The following XXYLT1 variants were observed in gnomAD, a reference collection of about 807,000 sequenced individuals.
XXYLT1 encodes the protein UDP-xylose:alpha-xyloside alpha-1,3-xylosyltransferase.
A neutral mutation model predicts 28.9 loss-of-function variants in XXYLT1; 20 were observed. That is an observed-to-expected ratio of 0.69 (90% CI 0.49 to 1.00). The LOEUF (loss-of-function observed/expected upper bound fraction) is 1.00. XXYLT1 is among the 50% of genes least tolerant of loss of function. The pLI is 0.00. For synonymous variants in XXYLT1, 257 were observed against 253.8 expected (o/e 1.01, Z -0.12); for missense variants, 542 against 560.1 (o/e 0.97, Z 0.33).
intron 2 of XXYLT1, among the ~76,000 whole-genome samples, chr3:195,211,376 G>A (rs533958586): frequency 6.6e-6 from 1 of 152,198 alleles, no homozygotes; most frequent in African/African-American, 2.4e-5. Context: ...CTGGGTGACA[G>A]AGCAAGACTC....
At chr3:195,125,367 C>A (rs58434965) in intron 3 of XXYLT1, among the ~76,000 whole-genome samples, 3 of 152,122 alleles carry the variant, frequency 2.0e-5, no homozygotes, top group African/African-American at 4.8e-5. Flanking sequence ...CCTTCCATTG[C>A]GGGGCTGGAG....
chr3:195,242,655 G>C (rs1228451812), intron 1 of XXYLT1, among the ~76,000 whole-genome samples: 1 of 152,076 alleles, frequency 6.6e-6, no homozygotes, highest in African/African-American at 2.4e-5. Flanking sequence ...GAGGAGGTGG[G>C]GTCTGATCTG....
At chr3:195,216,179 T>C (rs1445917201) in intron 2 of XXYLT1, among the ~76,000 whole-genome samples, 6 of 152,166 alleles carry the variant, frequency 3.9e-5, no homozygotes, top group Non-Finnish European at 7.3e-5. Context: ...GAGGGACATT[T>C]ATAGCACTAA....
chr3:195,150,074 G>A lies in XXYLT1; in HGVS notation c.785+6375C>T, dbSNP rs1368304357. 6.6e-6 allele frequency among the ~76,000 whole-genome samples: 1 copy of A among 152,198 alleles called. No homozygotes were observed. The highest frequency in any genetic ancestry group is 1.5e-5 in the Non-Finnish European group (1 of 68,036). On this transcript the variant is annotated intron_variant, in intron 3 of 3. Transcript: ENST00000310380. The surrounding 1 kb of genome is among the most constrained non-coding windows in gnomAD (Gnocchi z 4.7). Reference sequence around the variant, plus strand: ...CCAACCGTACATATAAGGAAACTGAGGCTGAGGTTAAGTGACTTCCCTAGG... The same window carrying A: ...CCAACCGTACATATAAGGAAACTGAAGCTGAGGTTAAGTGACTTCCCTAGG...
At chr3:195,137,366 G>A (rs566764641) in intron 3 of XXYLT1, among the ~76,000 whole-genome samples, 79 of 152,310 alleles carry the variant, frequency 5.2e-4, no homozygotes, top group African/African-American at 1.9e-3. Flanking sequence ...GCTCCAATCT[G>A]GCCACAGTTT....
intron 3 of XXYLT1, among the ~76,000 whole-genome samples, chr3:195,107,274 G>A (rs1307042570): frequency 6.6e-6 from 1 of 151,638 alleles, no homozygotes; most frequent in East Asian, 2.0e-4. Context: ...GGGAGTTCGA[G>A]ACCAGCCTGA....
Position 195,072,365 on chromosome 3 carries a change from C to T in XXYLT1, c.786-2254G>A, listed in dbSNP as rs1444694807. On this transcript the variant is annotated intron_variant, in intron 3 of 3. Coordinates refer to ENST00000310380, the MANE Select transcript of XXYLT1 (RefSeq NM_152531.5). The stretch of plus-strand genomic sequence containing the variant: ...CCTAGCAAGTGGGGAGCAAAGAGGC[C>T]GCCCACTGTTCCAGGTATCCTTACC... Among the ~76,000 whole-genome samples the T allele has an allele frequency of 3.2e-4, 48 of 152,132 alleles. 2 individuals are homozygous for T. Among genetic ancestry groups the T allele is most frequent in the Admixed American group, 3.0e-3 (46 of 15,270 alleles).
intron 1 of XXYLT1, among the ~76,000 whole-genome samples, chr3:195,241,728 G>A (rs1248259092): frequency 6.6e-6 from 1 of 151,876 alleles, no homozygotes; most frequent in Non-Finnish European, 1.5e-5. Flanking sequence ...TCAGGTATCA[G>A]TTCAAACGTC....
intron 2 of XXYLT1, among the ~76,000 whole-genome samples, chr3:195,170,905 G>T (rs1032811900): frequency 1.3e-5 from 2 of 152,134 alleles, no homozygotes; most frequent in African/African-American, 4.8e-5. Context: ...ATCCAGCCAT[G>T]AAAGAGCAGC....
At chr3:195,142,733 G>A (rs993086955) in intron 3 of XXYLT1, among the ~76,000 whole-genome samples, 1 of 152,258 alleles carries the variant, frequency 6.6e-6, no homozygotes, top group Non-Finnish European at 1.5e-5. Flanking sequence ...GCGTATGCAC[G>A]CTGGGGTCTT....
intron 1 of XXYLT1, among the ~76,000 whole-genome samples, chr3:195,261,046 G>A (rs767419036): frequency 2.6e-4 from 39 of 152,178 alleles, no homozygotes; most frequent in Non-Finnish European, 4.4e-4. Flanking sequence ...TGGGAGCTCC[G>A]TAAGCCACCT....
At chr3:195,254,783 C>T (rs1725413654) in intron 1 of XXYLT1, among the ~76,000 whole-genome samples, 1 of 152,254 alleles carries the variant, frequency 6.6e-6, no homozygotes, top group Non-Finnish European at 1.5e-5. Flanking sequence ...GCGTCAAGCA[C>T]AAACAGCTGC....
intron 1 of XXYLT1, among the ~76,000 whole-genome samples, chr3:195,233,344 G>C (rs1223155190): frequency 6.6e-6 from 1 of 151,938 alleles, no homozygotes; most frequent in African/African-American, 2.4e-5. Context: ...CTTTTGATTG[G>C]AGAGTTTACT....
chr3:195,127,685 G>A (rs9826109), intron 3 of XXYLT1, among the ~76,000 whole-genome samples: 25,965 of 152,046 alleles, frequency 0.17, 2,946 homozygotes, highest in East Asian at 0.56. Flanking sequence ...GCTGAGGCAG[G>A]AGGATCACTT....
chr3:195,269,036 A>G (rs1048791135), intron 1 of XXYLT1, among the ~76,000 whole-genome samples: 3 of 152,238 alleles, frequency 2.0e-5, no homozygotes, highest in Non-Finnish European at 4.4e-5. Context: ...GATGGAGAGA[A>G]GGAGCACCCC....
chr3:195,243,957 C>T (rs2108828494), intron 1 of XXYLT1, among the ~76,000 whole-genome samples: 1 of 152,272 alleles, frequency 6.6e-6, no homozygotes. Flanking sequence ...TGTCCAATAT[C>T]CATTCTCACA....
chr3:195,248,014 T>C (rs889237997), intron 1 of XXYLT1: 35 of 532,722 alleles, frequency 6.6e-5, no homozygotes, highest in Middle Eastern at 9.8e-4. Flanking sequence ...TGAGGTGAGA[T>C]TTGGGTGGAG....
In XXYLT1 at chr3:195,270,831, G is replaced by T. The variant is rs1560186076; in HGVS notation, c.228C>A (p.Gly76=). The T allele has an allele frequency of 3.4e-6, 5 of 1,466,650 alleles. No homozygotes were observed. Among genetic ancestry groups the T allele is most frequent in the Non-Finnish European group, 4.5e-6 (5 of 1,110,472 alleles). The allele number at this position is 1,466,650 out of a possible 1,614,324, so 90.9% of individuals were successfully genotyped here. ...TCGCGCCGGGGGCTGGCGCCACGGA[G>T]CCCCGCGCTAGCTCCAGCGCGGGCG... is the stretch of plus-strand genomic sequence containing the variant. The part of the protein sequence containing the change: ...PSPPALELAR[G]SVAPAPGAKA... The change falls in exon 1 of 4, where the codon GGC becomes GGA. Residue 76 remains glycine, a synonymous_variant. Coordinates refer to ENST00000310380, the MANE Select transcript of XXYLT1 (RefSeq NM_152531.5).
At chr3:195,080,306 G>A (rs1044453957) in intron 3 of XXYLT1, among the ~76,000 whole-genome samples, 4 of 152,178 alleles carry the variant, frequency 2.6e-5, no homozygotes, top group Non-Finnish European at 5.9e-5. Flanking sequence ...CCTTCCTAGC[G>A]CTGGCCCTGG....
Sources: allele counts gnomAD v4.1 joint callset (sites outside exome capture counted in the v4.1 genomes callset), GRCh38; gene constraint gnomAD v4.1.1; non-coding constraint Gnocchi (gnomAD v3.1); transcripts MANE v1.5; gene names NCBI Gene and HGNC (gene_info 2026-07-23, HGNC 2026-07-21).